Variants in SULF1 observed in about 807,000 individuals in gnomAD.
The protein encoded by SULF1 is extracellular sulfatase Sulf-1.
SULF1 carries 46 observed loss-of-function variants against 110.5 expected under a neutral mutation model. That is an observed-to-expected ratio of 0.42 (90% CI 0.33 to 0.53). The LOEUF is 0.53. Among genes scored for constraint, SULF1 ranks in the 20% least tolerant of loss-of-function variants. The pLI, the probability that SULF1 is intolerant of heterozygous loss-of-function variation, is 0.12. For synonymous variants in SULF1, 371 were observed against 387.1 expected (o/e 0.96, Z 0.49); for missense variants, 941 against 1,094.2 (o/e 0.86, Z 1.98).
At chr8:69,627,587 A>G (rs1360878204) in intron 16 of SULF1, among the ~76,000 whole-genome samples, 185 bp from the exon 17 acceptor site, 1 of 152,252 alleles carries the variant, frequency 6.6e-6, no homozygotes, top group Admixed American at 6.5e-5. Flanking sequence ...ATGTTTATCT[A>G]TAACACATGG....
At chr8:69,561,145 AT>A (rs1457408270) in intron 3 of SULF1, among the ~76,000 whole-genome samples, 1 of 152,246 alleles carries the variant, frequency 6.6e-6, no homozygotes, top group African/African-American at 2.4e-5. Context: ...TACAAAAAAA[AT>A]GATAAGCATG....
chr8:69,514,522 A>C (rs1338922749), intron 3 of SULF1, among the ~76,000 whole-genome samples: 1 of 152,354 alleles, frequency 6.6e-6, no homozygotes, highest in East Asian at 1.9e-4. Flanking sequence ...AAGCCACATC[A>C]TTCTTCCTCT....
Position 69,524,084 on chromosome 8 carries a change from A to G in SULF1, c.-134+22116A>G, listed in dbSNP as rs116529543. On this transcript the variant is annotated intron_variant, in intron 3 of 22. Coordinates refer to ENST00000402687, the MANE Select transcript of SULF1 (RefSeq NM_001128205.2). ...TCAATAACTAGGGAAGTAGTAGGCT[A>G]TGTAATATGATAAGATTAGAGATAA... 3.8e-3 allele frequency among the ~76,000 whole-genome samples: 571 copies of G among 152,234 alleles called. 2 individuals are homozygous for G. Among genetic ancestry groups the G allele is most frequent in the African/African-American group, 0.013 (546 of 41,546 alleles).
intron 22 of SULF1, among the ~76,000 whole-genome samples, chr8:69,657,042 G>T (rs1048179660): frequency 4.6e-5 from 7 of 152,094 alleles, no homozygotes; most frequent in Non-Finnish European, 8.8e-5. Flanking sequence ...GTATCTCATT[G>T]TTCTACTTTC....
At chr8:69,605,768 C>T (rs953260558) in intron 13 of SULF1, among the ~76,000 whole-genome samples, 9 of 152,190 alleles carry the variant, frequency 5.9e-5, no homozygotes, top group South Asian at 4.1e-4. Context: ...AAAATACTAA[C>T]ACATAGTGAG....
At chr8:69,574,422 T>A (rs1197691000) in intron 5 of SULF1, among the ~76,000 whole-genome samples, 1 of 152,210 alleles carries the variant, frequency 6.6e-6, no homozygotes, top group African/African-American at 2.4e-5. Flanking sequence ...CGACATTTAC[T>A]TCCTCCTTTT....
At chr8:69,584,284 T>C (rs1026491522) in intron 6 of SULF1, among the ~76,000 whole-genome samples, 23 of 152,166 alleles carry the variant, frequency 1.5e-4, no homozygotes, top group African/African-American at 5.3e-4. Context: ...ATTTGAGCAC[T>C]ATTTCCAAGG....
At chr8:69,481,165 G>A (rs1809506588) in intron 1 of SULF1, among the ~76,000 whole-genome samples, 1 of 151,980 alleles carries the variant, frequency 6.6e-6, no homozygotes, top group Non-Finnish European at 1.5e-5. Context: ...TACGTCATAG[G>A]AAAAAGAGCA....
chr8:69,625,680 C>T (rs1456141640), intron 15 of SULF1, among the ~76,000 whole-genome samples: 2 of 152,142 alleles, frequency 1.3e-5, no homozygotes, highest in Non-Finnish European at 2.9e-5. Context: ...TACAGATCTT[C>T]GCGGTGAGTG....
At chr8:69,579,833 G>A (rs1409999781) in intron 6 of SULF1, among the ~76,000 whole-genome samples, 1 of 152,170 alleles carries the variant, frequency 6.6e-6, no homozygotes, top group Non-Finnish European at 1.5e-5. Flanking sequence ...CTAGTAGGGA[G>A]AAAGTCAATG....
intron 22 of SULF1, chr8:69,642,337 G>A (rs1811544343): frequency 1.0e-6 from 1 of 987,086 alleles, no homozygotes; most frequent in South Asian, 4.7e-5. Context: ...AATGACAACA[G>A]GAAAGGTGAT....
chr8:69,532,920 A>G (rs2150646823), intron 3 of SULF1, among the ~76,000 whole-genome samples: 1 of 152,332 alleles, frequency 6.6e-6, no homozygotes, highest in East Asian at 1.9e-4. Flanking sequence ...AAGTGAAATC[A>G]TACAGTAAAA....
At chr8:69,559,500 C>T (rs1815329129) in intron 3 of SULF1, among the ~76,000 whole-genome samples, 1 of 152,178 alleles carries the variant, frequency 6.6e-6, no homozygotes, top group Non-Finnish European at 1.5e-5. Flanking sequence ...TACAAGTTTT[C>T]CAGAATTCTA....
intron 3 of SULF1, among the ~76,000 whole-genome samples, chr8:69,504,624 T>A (rs1480388831): frequency 6.6e-6 from 1 of 152,224 alleles, no homozygotes; most frequent in Non-Finnish European, 1.5e-5. Flanking sequence ...AAATTTAACA[T>A]ACAGAACATT....
rs369545860 is a variant in SULF1 at position 69,621,171 on chromosome 8, G to T, written c.1514G>T (p.Ser505Ile). ...TTCCATGACAAAGACAAAGAGTGCA[G>T]TTGTAGGGAGTCTGGTTACCGTGCC... is the stretch of plus-strand genomic sequence containing the variant. ...RGFHDKDKECSCRESGYRASR... is the reference protein window; with the variant it reads ...RGFHDKDKECICRESGYRASR... Residue 505 changes from serine to isoleucine, a missense_variant, in exon 14 of 23, where the codon AGT becomes ATT. This residue lies in a region of SULF1 where 822 missense variants were observed against 934.3 expected (regional missense o/e 0.88). Coordinates refer to ENST00000402687, the MANE Select transcript of SULF1 (RefSeq NM_001128205.2). 2 of 1,614,070 alleles carry T rather than the reference G, an allele frequency of 1.2e-6. No individual in the cohort carries two copies. Among genetic ancestry groups the T allele is most frequent in the Non-Finnish European group, 1.7e-6 (2 of 1,180,040 alleles).
intron 2 of SULF1, among the ~76,000 whole-genome samples, chr8:69,497,470 G>T (rs1352225018): frequency 6.6e-6 from 1 of 152,014 alleles, no homozygotes. Context: ...ATGTTCTTAA[G>T]CAACAAGACT....
chr8:69,605,066 T>G, intron 13 of SULF1, 134 bp downstream of exon 13: 1 of 1,228,208 alleles, frequency 8.1e-7, no homozygotes, highest in South Asian at 1.5e-5. Flanking sequence ...GCAAGCTCAC[T>G]GAGACACCTC....
chr8:69,542,565 G>A (rs889090939), intron 3 of SULF1, among the ~76,000 whole-genome samples: 4 of 151,244 alleles, frequency 2.6e-5, no homozygotes, highest in African/African-American at 9.7e-5. Context: ...CAGTGCTGCC[G>A]AGAGTTACTG....
At chr8:69,558,119 C>G (rs10504454) in intron 3 of SULF1, among the ~76,000 whole-genome samples, 29,781 of 152,022 alleles carry the variant, frequency 0.2, 3,000 homozygotes, top group Middle Eastern at 0.24. Context: ...CATCCTGAAG[C>G]CTTACTCTAA....
Sources: allele counts gnomAD v4.1 joint callset (sites outside exome capture counted in the v4.1 genomes callset), GRCh38; gene constraint gnomAD v4.1.1; regional missense constraint gnomAD v4.1.1; transcripts MANE v1.5; gene names NCBI Gene and HGNC (gene_info 2026-07-23, HGNC 2026-07-21).